DNAH12: variants seen among roughly 807,000 people sequenced by gnomAD.
DNAH12 encodes the protein axonemal beta dynein heavy chain 12.
In DNAH12, 285 loss-of-function variants were observed where a neutral mutation model predicts 371.5. The observed-to-expected ratio is 0.77, with a 90% CI of 0.70 to 0.85. The LOEUF (loss-of-function observed/expected upper bound fraction) is 0.85, where lower values mean the gene tolerates loss of function less well. DNAH12 is among the 40% of genes least tolerant of loss of function. DNAH12 has a pLI of 0.00. For synonymous variants in DNAH12, 1,200 were observed against 1,213.0 expected, an observed-to-expected ratio of 0.99 and a Z score of 0.22; for missense variants, 3,611 against 3,689.4, an observed-to-expected ratio of 0.98 and a Z score of 0.55.
At chr3:57,476,312 T>A (rs2066521418) in intron 13 of DNAH12, among the ~76,000 whole-genome samples, 1 of 152,168 alleles carries the variant, frequency 6.6e-6, no homozygotes, top group South Asian at 2.1e-4. Flanking sequence ...ATGCCTGTAA[T>A]CCTAGCACTT....
intron 2 of DNAH12, among the ~76,000 whole-genome samples, chr3:57,534,041 T>A (rs966690913): frequency 3.3e-5 from 5 of 152,218 alleles, no homozygotes; most frequent in Admixed American, 2.0e-4. Flanking sequence ...TTCTGATCAC[T>A]GGGATGTGCG....
chr3:57,541,290 T>G (rs2069272173), intron 2 of DNAH12, among the ~76,000 whole-genome samples: 1 of 152,106 alleles, frequency 6.6e-6, no homozygotes, highest in Non-Finnish European at 1.5e-5. Flanking sequence ...CCCATCCACC[T>G]CAGCCTCCCA....
At chr3:57,312,085 T>G (rs1056535388) in intron 66 of DNAH12, among the ~76,000 whole-genome samples, 3 of 152,096 alleles carry the variant, frequency 2.0e-5, no homozygotes, top group African/African-American at 7.2e-5. Flanking sequence ...AAGTTGTGGG[T>G]TGAGAGCTTT....
intron 10 of DNAH12, among the ~76,000 whole-genome samples, chr3:57,501,994 C>T (rs1440606576): frequency 1.3e-5 from 2 of 152,050 alleles, no homozygotes; most frequent in Non-Finnish European, 2.9e-5. Context: ...GCAAGCTCCG[C>T]CTCCTGGGTT....
At position 57,295,574 on chromosome 3, in the gene DNAH12, T is replaced by C; in HGVS notation, c.11643A>G (p.Gln3881=). 6.5e-7 allele frequency: 1 copy of C among 1,543,708 alleles called. No homozygotes were observed. The highest frequency in any genetic ancestry group is 1.2e-5 in the South Asian group (1 of 82,350). Residue 3881 remains glutamine (Q), a synonymous_variant, in exon 73 of 74, where the codon CAA becomes CAG. Coordinates refer to ENST00000495027, the MANE Select transcript of DNAH12 (RefSeq NM_001366028.2). ...WDRESGLLAE[Q]YPKLLFDLMP... The stretch of plus-strand genomic sequence containing the variant: ...TCAGGTCAAACAGAAGTTTGGGATA[T>C]TGTTCAGCAAGCAATCCACTGTAAC...
intron 2 of DNAH12, among the ~76,000 whole-genome samples, chr3:57,540,697 A>G (rs548187243): frequency 6.6e-6 from 1 of 152,316 alleles, no homozygotes; most frequent in South Asian, 2.1e-4. Context: ...TGGGAGGCCA[A>G]GGCAGATGGA....
At chr3:57,423,875 A>G (rs10222416) in intron 35 of DNAH12, among the ~76,000 whole-genome samples, 81,208 of 151,582 alleles carry the variant, frequency 0.54, 22,481 homozygotes, top group African/African-American at 0.68. Context: ...AGTAACTGGG[A>G]CTACAGGCGC....
intron 8 of DNAH12, among the ~76,000 whole-genome samples, chr3:57,505,169 G>A (rs1273533132): frequency 2.0e-5 from 3 of 152,050 alleles, no homozygotes; most frequent in African/African-American, 4.8e-5. Flanking sequence ...GATTACAGGC[G>A]TGAGCCACCA....
intron 25 of DNAH12, among the ~76,000 whole-genome samples, chr3:57,447,255 T>G (rs546256636): frequency 2.6e-5 from 4 of 152,258 alleles, no homozygotes; most frequent in Non-Finnish European, 5.9e-5. Context: ...TATACTTAAT[T>G]ACGTACATTC....
chr3:57,544,560 A>G (rs188763178), upstream of DNAH12, among the ~76,000 whole-genome samples: 24 of 152,334 alleles, frequency 1.6e-4, no homozygotes, highest in Admixed American at 1.4e-3. Context: ...GGACCAGGAA[A>G]TTAGAATCTT....
chr3:57,376,183 A>G (rs1410756018), intron 53 of DNAH12, among the ~76,000 whole-genome samples: 2 of 151,966 alleles, frequency 1.3e-5, no homozygotes, highest in Non-Finnish European at 2.9e-5. Context: ...TTATTAGAAT[A>G]TTAGACATTT....
At chr3:57,294,780 T>C (rs947281773) in intron 73 of DNAH12, among the ~76,000 whole-genome samples, 1 of 152,162 alleles carries the variant, frequency 6.6e-6, no homozygotes, top group African/African-American at 2.4e-5. Context: ...AAAGAAACTA[T>C]ATACAATCCC....
intron 29 of DNAH12, among the ~76,000 whole-genome samples, chr3:57,441,627 A>C (rs551838107): frequency 2.0e-5 from 3 of 152,184 alleles, no homozygotes; most frequent in Non-Finnish European, 4.4e-5. Flanking sequence ...CCTTGTCTCT[A>C]TGAAAAATAA....
chr3:57,525,756 CTTTT>C (rs776184662), intron 2 of DNAH12, among the ~76,000 whole-genome samples: 3 of 76,272 alleles, frequency 3.9e-5, no homozygotes, highest in Admixed American at 4.6e-4. Flanking sequence ...ATGTCTTATT[CTTTT>C]TTTTTTTTTT....
chr3:57,358,002 G>A (rs1021146548), intron 58 of DNAH12, among the ~76,000 whole-genome samples: 6 of 152,230 alleles, frequency 3.9e-5, no homozygotes, highest in African/African-American at 1.4e-4. Context: ...CAACTCAATC[G>A]GATAGGTTGA....
intron 58 of DNAH12, among the ~76,000 whole-genome samples, chr3:57,360,068 G>A (rs1024008699): frequency 2.6e-5 from 4 of 151,952 alleles, no homozygotes; most frequent in African/African-American, 7.3e-5. Context: ...CTTTCTCTTC[G>A]AGTCTTAATA....
At chr3:57,322,609 G>A (rs985701557) in intron 64 of DNAH12, 126 bp from the exon 65 acceptor site, 13 of 1,146,212 alleles carry the variant, frequency 1.1e-5, no homozygotes, top group African/African-American at 1.6e-5. Context: ...ACCTCTTAAG[G>A]TTAAGCATCT....
intron 69 of DNAH12, among the ~76,000 whole-genome samples, chr3:57,305,372 G>C (rs916703971): frequency 6.6e-6 from 1 of 151,998 alleles, no homozygotes; most frequent in Non-Finnish European, 1.5e-5. Flanking sequence ...GGCCGAGCTA[G>C]GTCCCAATTC....
intron 65 of DNAH12, among the ~76,000 whole-genome samples, chr3:57,315,323 T>C (rs9835658): frequency 0.32 from 48,869 of 150,992 alleles, 8,813 homozygotes; most frequent in African/African-American, 0.47. Flanking sequence ...GTAGTAGACA[T>C]TATTCTTCAA....
Sources: gnomAD v4.1 joint callset for allele counts (sites outside exome capture counted in the v4.1 genomes callset) on GRCh38, gnomAD v4.1.1 for gene constraint, MANE v1.5 for transcripts, NCBI Gene and HGNC (gene_info 2026-07-23, HGNC 2026-07-21) for gene names.